Variants in FGFR2 observed in about 807,000 individuals in gnomAD.
The protein encoded by FGFR2 is fibroblast growth factor receptor 2.
A neutral mutation model predicts 95.9 loss-of-function variants in FGFR2; 19 were observed. That is an observed-to-expected ratio of 0.20 (90% CI 0.14 to 0.29). FGFR2 has a LOEUF of 0.29. FGFR2 is among the 10% of genes least tolerant of loss of function. The pLI is 1.00. For synonymous variants in FGFR2, 392 were observed against 393.3 expected (o/e 1.00, Z 0.04); for missense variants, 707 against 1,056.9 (o/e 0.67, Z 4.59).
intron 9 of FGFR2, among the ~76,000 whole-genome samples, chr10:121,505,890 C>T (rs966238074): frequency 3.9e-5 from 6 of 152,168 alleles, no homozygotes; most frequent in Admixed American, 3.9e-4. Flanking sequence ...TTTCTGTCCT[C>T]CTAATTCATT....
intron 4 of FGFR2, among the ~76,000 whole-genome samples, chr10:121,560,879 C>T (rs990565062): frequency 6.6e-6 from 1 of 152,126 alleles, no homozygotes; most frequent in Non-Finnish European, 1.5e-5. Flanking sequence ...GTTTCTGAGG[C>T]AGTGGGTCTG....
intron 13 of FGFR2, among the ~76,000 whole-genome samples, chr10:121,488,601 G>A (rs1329076037): frequency 3.3e-5 from 5 of 151,102 alleles, no homozygotes; most frequent in Non-Finnish European, 5.9e-5. Context: ...CTAAGATTAA[G>A]AAGACAGGTC....
chr10:121,556,396 A>ACTCTCTCTCTCTCTCTCT (rs35668561), intron 4 of FGFR2, among the ~76,000 whole-genome samples: 68 of 128,190 alleles, frequency 5.3e-4, no homozygotes, highest in African/African-American at 2.1e-3. Flanking sequence ...TTTATAATCT[A>ACTCTCTCTCTCTCTCTCT]CTCTCTCTCT....
At chr10:121,494,312 C>A (rs1846499745) in intron 13 of FGFR2, among the ~76,000 whole-genome samples, 1 of 152,096 alleles carries the variant, frequency 6.6e-6, no homozygotes, top group South Asian at 2.1e-4. Flanking sequence ...TGGTTCTTGC[C>A]CCAGGAGGTC....
chr10:121,579,407 C>T (rs920587951), intron 2 of FGFR2, among the ~76,000 whole-genome samples: 9 of 152,184 alleles, frequency 5.9e-5, no homozygotes, highest in Non-Finnish European at 1.2e-4. Context: ...TATTCGCATT[C>T]CTCTGACTTC....
chr10:121,483,157 T>C (rs1021483382), intron 17 of FGFR2, among the ~76,000 whole-genome samples: 8 of 152,230 alleles, frequency 5.3e-5, no homozygotes, highest in African/African-American at 7.2e-5. Context: ...AAGTTGCTCA[T>C]TGTAGAAAAC....
chr10:121,539,225 C>T (rs1853320297), intron 5 of FGFR2, among the ~76,000 whole-genome samples: 1 of 152,208 alleles, frequency 6.6e-6, no homozygotes, highest in Non-Finnish European at 1.5e-5. Flanking sequence ...GCTCATAGTT[C>T]TCAGATGTTG....
At chr10:121,565,811 T>A in intron 2 of FGFR2, 107 bp from the exon 3 acceptor site, 1 of 1,400,192 alleles carries the variant, frequency 7.1e-7, no homozygotes, top group Non-Finnish European at 1.0e-6. Flanking sequence ...GAGAAGCTGT[T>A]CTTGCTCTGC....
Position 121,515,244 on chromosome 10 carries a change from A to G in FGFR2, c.1160T>C (p.Leu387Ser). The change falls in exon 9 of 18, where the codon TTA (leucine) becomes TCA (serine). Residue 387 changes from leucine (L) to serine (S), a missense_variant. Leu to Ser is a moderately radical substitution (Grantham distance 145). This residue lies in a region of FGFR2 where 194 missense variants were observed against 267.3 expected (regional missense o/e 0.73). Coordinates refer to ENST00000358487, the MANE Select transcript of FGFR2 (RefSeq NM_000141.5). ...GACTGTTACCACCATACAGGCGATT[A>G]AGAAGACCCCTATGCAGTAAATGGC... ...EIAIYCIGVF[L>S]IACMVVTVIL... is the part of the protein sequence containing the mutation. 1 of 1,614,150 alleles carries G rather than the reference A, an allele frequency of 6.2e-7. No homozygotes were observed. The highest frequency in any genetic ancestry group is 1.1e-5 in the South Asian group (1 of 91,080).
chr10:121,570,172 G>C (rs952773684), intron 2 of FGFR2, among the ~76,000 whole-genome samples: 1 of 152,210 alleles, frequency 6.6e-6, no homozygotes, highest in Non-Finnish European at 1.5e-5. Context: ...TGGCTCAGTG[G>C]AAGCAGCTCT....
At chr10:121,547,287 G>C (rs1854657171) in intron 5 of FGFR2, among the ~76,000 whole-genome samples, 1 of 152,190 alleles carries the variant, frequency 6.6e-6, no homozygotes, top group South Asian at 2.1e-4. Context: ...GAATCAGTTA[G>C]ATGTCAGGCC....
At chr10:121,598,449 A>AGCCGCCGCCCGC (rs1001989773), upstream of FGFR2, 4 of 159,720 alleles carry the variant, frequency 2.5e-5, no homozygotes, top group Non-Finnish European at 5.4e-5. Flanking sequence ...GCTCTCCTCC[A>AGCCGCCGCCCGC]GCCGCCGCCC....
intron 1 of FGFR2, among the ~76,000 whole-genome samples, chr10:121,595,037 T>C (rs1481357856): frequency 6.6e-6 from 1 of 152,208 alleles, no homozygotes; most frequent in African/African-American, 2.4e-5. Context: ...AAGGGTACAG[T>C]AAAATGCACA....
chr10:121,577,359 A>C (rs1370489714), intron 2 of FGFR2, among the ~76,000 whole-genome samples: 1 of 151,328 alleles, frequency 6.6e-6, no homozygotes, highest in African/African-American at 2.4e-5. Context: ...TGCCATCAGA[A>C]AGACCTTCCG....
At position 121,518,173 on chromosome 10, in the gene FGFR2, G is replaced by A. The variant is rs956619458; in HGVS notation, c.940-710C>T. 2.3e-5 allele frequency: 7 copies of A among 302,194 alleles called. No homozygotes were observed. Among genetic ancestry groups the A allele is most frequent in the African/African-American group, 1.3e-4 (6 of 44,940 alleles). The allele number at this position is 302,194 out of a possible 1,614,324, so 18.7% of individuals were successfully genotyped here. A position where few individuals can be genotyped will look rare whatever the true frequency, so the allele number is the denominator to read the frequency against. ...TCCAGTAGTACATTCATTAAGATGA[G>A]CTCCCCTCAAATTTGGTGCAACAAG... is the stretch of plus-strand genomic sequence containing the variant. On this transcript the variant is annotated intron_variant, in intron 7 of 17. Transcript: ENST00000358487. The surrounding 1 kb of genome is among the most constrained non-coding windows in gnomAD (Gnocchi z 4.0).
chr10:121,515,354 G>A (rs2134233147), intron 8 of FGFR2, 35 bp from the exon 9 acceptor site: 1 of 1,598,034 alleles, frequency 6.3e-7, no homozygotes, highest in South Asian at 1.1e-5. Context: ...GAACAGATAA[G>A]CAGGCCATAG....
intron 13 of FGFR2, among the ~76,000 whole-genome samples, chr10:121,494,675 T>C (rs1164761848): frequency 2.0e-5 from 3 of 152,092 alleles, no homozygotes; most frequent in Non-Finnish European, 4.4e-5. Flanking sequence ...TCACTTGCTG[T>C]CTCCATGTCC....
chr10:121,542,040 T>C lies in FGFR2; in HGVS notation c.625-3325A>G, dbSNP rs182778243. Among the ~76,000 whole-genome samples the C allele has an allele frequency of 5.5e-3, 839 of 152,316 alleles. 8 individuals are homozygous for C. The highest frequency in any genetic ancestry group is 7.6e-3 in the Non-Finnish European group (520 of 68,040). On this transcript the variant is annotated intron_variant, in intron 5 of 17. Transcript: ENST00000358487. ...TTAAGAATGCATAGTTCATCCTGTA[T>C]GAACTGATGGAAAGTTCATTCAAAC... is the stretch of plus-strand genomic sequence containing the variant.
At chr10:121,543,894 C>T (rs185148856) in intron 5 of FGFR2, among the ~76,000 whole-genome samples, 4 of 152,308 alleles carry the variant, frequency 2.6e-5, no homozygotes, top group Admixed American at 2.0e-4. Flanking sequence ...CGTTGCTTGT[C>T]GGTGCTCACA....
Sources: gnomAD v4.1 joint callset for allele counts (sites outside exome capture counted in the v4.1 genomes callset) on GRCh38, gnomAD v4.1.1 for gene constraint, gnomAD v4.1.1 regional missense constraint, Gnocchi (gnomAD v3.1) non-coding constraint, MANE v1.5 for transcripts, NCBI Gene and HGNC (gene_info 2026-07-23, HGNC 2026-07-21) for gene names.